Variants in RIT2 observed in about 807,000 individuals in gnomAD.
RIT2 encodes Ras like without CAAX 2.
RIT2 carries 24 observed loss-of-function variants against 23.7 expected under a neutral mutation model. The ratio of observed to expected loss-of-function variants is 1.01; its 90% CI spans 0.73 to 1.43. RIT2 has a LOEUF of 1.43. Among genes scored for constraint, RIT2 ranks in the 40% most tolerant of loss-of-function variants. The pLI is 0.00. For synonymous variants in RIT2, 107 were observed against 91.1 expected (o/e 1.17, Z -0.99); for missense variants, 236 against 266.9 (o/e 0.88, Z 0.81).
intron 4 of RIT2, among the ~76,000 whole-genome samples, chr18:42,906,009 T>TATATATATATATGTATATATATATATAC (rs1474772768): frequency 1.6e-5 from 2 of 128,584 alleles, no homozygotes; most frequent in East Asian, 2.1e-4. Context: ...TATATATACA[T>TATATATATATATGTATATATATATATAC]ATATATATAT....
chr18:42,773,219 G>T (rs557174367), intron 4 of RIT2, among the ~76,000 whole-genome samples: 1 of 152,132 alleles, frequency 6.6e-6, no homozygotes. Flanking sequence ...TGATGATAAA[G>T]TTTGATGCAG....
At chr18:42,936,539 C>T (rs534294417) in intron 3 of RIT2, among the ~76,000 whole-genome samples, 11 of 152,170 alleles carry the variant, frequency 7.2e-5, no homozygotes, top group Non-Finnish European at 1.6e-4. Context: ...GAAACAGAAA[C>T]ATTACACATC....
At chr18:43,048,936 C>CAACA (rs1912314443) in intron 1 of RIT2, among the ~76,000 whole-genome samples, 1 of 152,074 alleles carries the variant, frequency 6.6e-6, no homozygotes, top group East Asian at 1.9e-4. Context: ...AGAATATAAC[C>CAACA]AACAATCTGG....
chr18:42,817,858 G>A (rs182817690), intron 4 of RIT2, among the ~76,000 whole-genome samples: 62 of 151,938 alleles, frequency 4.1e-4, no homozygotes, highest in African/African-American at 1.3e-3. Flanking sequence ...CTAATATAGC[G>A]CATGCACAAA....
intron 2 of RIT2, among the ~76,000 whole-genome samples, chr18:42,978,347 C>G (rs1326667241): frequency 6.6e-6 from 1 of 151,554 alleles, no homozygotes; most frequent in Non-Finnish European, 1.5e-5. Context: ...TCAGAGTACA[C>G]ATTTCATTGT....
chr18:42,759,760 G>GATATATATATATATATATAT, intron 4 of RIT2, among the ~76,000 whole-genome samples: 1 of 130,692 alleles, frequency 7.7e-6, no homozygotes, highest in African/African-American at 2.8e-5. Context: ...CACACATACG[G>GATATATATATATATATATAT]ATATATATAT....
At chr18:42,811,152 T>C (rs1905840261) in intron 4 of RIT2, among the ~76,000 whole-genome samples, 1 of 152,032 alleles carries the variant, frequency 6.6e-6, no homozygotes, top group Non-Finnish European at 1.5e-5. Context: ...AGGGATCACC[T>C]AGCTTTAGGC....
chr18:43,022,956 C>T (rs1231797425), intron 2 of RIT2, among the ~76,000 whole-genome samples: 1 of 152,014 alleles, frequency 6.6e-6, no homozygotes, highest in Non-Finnish European at 1.5e-5. Context: ...TTTTCTGGGA[C>T]TGAGTGAAAT....
intron 3 of RIT2, among the ~76,000 whole-genome samples, chr18:42,924,837 T>C (rs1433634320): frequency 6.6e-6 from 1 of 152,088 alleles, no homozygotes; most frequent in African/African-American, 2.4e-5. Context: ...TTACGCTAGC[T>C]TGAAAGATGG....
intron 1 of RIT2, among the ~76,000 whole-genome samples, chr18:43,083,950 C>A (rs981751781): frequency 6.6e-6 from 1 of 152,062 alleles, no homozygotes; most frequent in Admixed American, 6.6e-5. Context: ...AACAGGCAAC[C>A]CACAGAATGG....
chr18:42,898,445 T>TA (rs1305565770), intron 4 of RIT2, among the ~76,000 whole-genome samples: 1 of 152,076 alleles, frequency 6.6e-6, no homozygotes, highest in African/African-American at 2.4e-5. Flanking sequence ...TAGTCTTCTT[T>TA]AGAAAGATTA....
chr18:42,847,996 C>T (rs185719249), intron 4 of RIT2, among the ~76,000 whole-genome samples: 2 of 150,680 alleles, frequency 1.3e-5, no homozygotes, highest in East Asian at 2.0e-4. Context: ...CTCCTAGATC[C>T]CCCTATAATG....
At chr18:42,899,639 A>G (rs2144104766) in intron 4 of RIT2, among the ~76,000 whole-genome samples, 1 of 152,144 alleles carries the variant, frequency 6.6e-6, no homozygotes, top group South Asian at 2.1e-4. Context: ...CCTGAGGTGC[A>G]TTAAAAGCTC....
intron 4 of RIT2, among the ~76,000 whole-genome samples, chr18:42,786,465 T>A (rs1453116804): frequency 6.6e-6 from 1 of 152,160 alleles, no homozygotes; most frequent in East Asian, 1.9e-4. Flanking sequence ...TTGATAGAAA[T>A]TAAAATAAAA....
At chr18:43,109,873 G>A (rs1913913246) in intron 1 of RIT2, among the ~76,000 whole-genome samples, 1 of 152,098 alleles carries the variant, frequency 6.6e-6, no homozygotes. Context: ...ATGTGTCCTA[G>A]GGACCAGAGA....
chr18:42,900,671 A>T (rs909831012), intron 4 of RIT2, among the ~76,000 whole-genome samples: 12 of 152,058 alleles, frequency 7.9e-5, no homozygotes. Flanking sequence ...CCCTCTTTTC[A>T]TTAATATCAG....
chr18:42,954,102 G>T (rs1909915036), intron 3 of RIT2, among the ~76,000 whole-genome samples: 1 of 152,066 alleles, frequency 6.6e-6, no homozygotes, highest in Non-Finnish European at 1.5e-5. Flanking sequence ...AGTAAATTGG[G>T]CACGGTGACT....
chr18:42,788,266 T>C (rs1466500996), intron 4 of RIT2, among the ~76,000 whole-genome samples: 1 of 152,110 alleles, frequency 6.6e-6, no homozygotes, highest in South Asian at 2.1e-4. Flanking sequence ...ACGGAGAAAA[T>C]CTGAGATCAC....
chr18:42,974,072 A>C lies in RIT2; in HGVS notation c.234+2T>G. On this transcript the variant is annotated splice_donor_variant, in intron 3 of 4. Transcript: ENST00000326695. LOFTEE classifies it high-confidence loss of function. The stretch of plus-strand genomic sequence containing the variant: ...TTGGAGAGGTTTAAGAACATCACCT[A>C]CCTGGCCAGCAGTGTCCAAGATGTC... The C allele has an allele frequency of 6.2e-7, 1 of 1,607,280 alleles. No homozygotes were observed. Among genetic ancestry groups the C allele is most frequent in the Non-Finnish European group, 8.5e-7 (1 of 1,174,938 alleles).
Sources: gnomAD v4.1 joint callset for allele counts (sites outside exome capture counted in the v4.1 genomes callset) on GRCh38, gnomAD v4.1.1 for gene constraint, MANE v1.5 for transcripts, NCBI Gene and HGNC (gene_info 2026-07-23, HGNC 2026-07-21) for gene names.